Variants in CD247 observed in about 807,000 individuals in gnomAD.
CD247 encodes T-cell surface glycoprotein CD3 zeta chain.
Under a neutral mutation model 30.0 loss-of-function variants are expected in CD247, and 13 were observed. The ratio of observed to expected loss-of-function variants is 0.43; its 90% CI spans 0.28 to 0.69. The LOEUF is 0.69. Among genes scored for constraint, CD247 ranks in the 30% least tolerant of loss-of-function variants. The pLI, the probability that CD247 is intolerant of heterozygous loss-of-function variation, is 0.16. For synonymous variants in CD247, 72 were observed against 80.0 expected (o/e 0.90, Z 0.53); for missense variants, 193 against 212.6 (o/e 0.91, Z 0.57).
Position 167,431,717 on chromosome 1 carries a change from G to A in CD247, c.459C>T (p.Tyr153=), listed in dbSNP as rs768749507. 45 of 1,614,036 alleles carry A rather than the reference G, an allele frequency of 2.8e-5. No individual in the cohort carries two copies. The highest frequency in any genetic ancestry group is 6.7e-5 in the African/African-American group (5 of 74,934). The change falls in exon 8 of 8, where the codon TAC becomes TAT. Residue 153 remains tyrosine, a synonymous_variant. Coordinates refer to ENST00000362089, the MANE Select transcript of CD247 (RefSeq NM_198053.3). ...QGLSTATKDT[Y]DALHMQALPP... ...GCAGGGCCTGCATGTGAAGGGCGTC[G>A]TAGGTGTCCTTGGTGGCTGTACTGA...
chr1:167,496,509 G>A (rs986517585), intron 1 of CD247, among the ~76,000 whole-genome samples: 3 of 152,216 alleles, frequency 2.0e-5, no homozygotes, highest in African/African-American at 7.2e-5. Flanking sequence ...CCTGAAGCAA[G>A]GAGGTTTTGC....
chr1:167,503,934 G>T (rs979965965), intron 1 of CD247, among the ~76,000 whole-genome samples: 6 of 152,158 alleles, frequency 3.9e-5, no homozygotes, highest in Admixed American at 1.3e-4. Flanking sequence ...GTTTTCTGGG[G>T]CAGAAAATCC....
chr1:167,431,513 C>T lies in CD247; in HGVS notation c.*168G>A. 2 of 719,686 alleles carry T rather than the reference C, an allele frequency of 2.8e-6. No individual in the cohort carries two copies. The highest frequency in any genetic ancestry group is 5.1e-6 in the Non-Finnish European group (2 of 395,410). The allele number at this position is 719,686 out of a possible 1,614,324, so 44.6% of individuals were successfully genotyped here. A position where few individuals can be genotyped will look rare whatever the true frequency, so the allele number is the denominator to read the frequency against. The stretch of plus-strand genomic sequence containing the variant: ...ACTCCCTTAAAGAGTGCAGGGACAA[C>T]AGTCTGTGTGTGAAGGTTTGGAGCT... On this transcript the variant is annotated 3_prime_UTR_variant, in exon 8 of 8. Transcript: ENST00000362089.
chr1:167,488,980 T>C (rs1187352815), intron 1 of CD247, among the ~76,000 whole-genome samples: 1 of 152,214 alleles, frequency 6.6e-6, no homozygotes, highest in Non-Finnish European at 1.5e-5. Context: ...TGAGGGCAGC[T>C]GCTTCCCTTG....
intron 1 of CD247, among the ~76,000 whole-genome samples, chr1:167,516,428 C>T (rs1418291720): frequency 1.3e-5 from 2 of 152,214 alleles, no homozygotes; most frequent in Admixed American, 6.5e-5. Flanking sequence ...AATGCAAATG[C>T]AACAGCTTAG....
intron 1 of CD247, among the ~76,000 whole-genome samples, chr1:167,478,238 G>A (rs926304844): frequency 3.3e-5 from 5 of 152,224 alleles, no homozygotes; most frequent in African/African-American, 1.2e-4. Context: ...CAGATGGAGA[G>A]GCTGACCCCA....
intron 1 of CD247, among the ~76,000 whole-genome samples, chr1:167,488,988 T>G (rs553067531): frequency 1.3e-5 from 2 of 152,276 alleles, no homozygotes; most frequent in Admixed American, 6.5e-5. Context: ...GCTGCTTCCC[T>G]TGCCGTTTGA....
At chr1:167,505,733 G>A (rs1460610502) in intron 1 of CD247, among the ~76,000 whole-genome samples, 2 of 152,384 alleles carry the variant, frequency 1.3e-5, no homozygotes, top group East Asian at 3.9e-4. Flanking sequence ...CAGCTATCTG[G>A]TAGGGGGAGT....
chr1:167,430,878 G>A lies in CD247; in HGVS notation c.*803C>T. ...GCGAGGCCTTCACAAAGATGATTTT[G>A]TCATTCGCTGAAAGCGTGAAGTGAA... is the stretch of plus-strand genomic sequence containing the variant. On this transcript the variant is annotated 3_prime_UTR_variant, in exon 8 of 8. Transcript: ENST00000362089. The A allele has an allele frequency of 2.5e-6, 1 of 398,788 alleles. No homozygotes were observed. The highest frequency in any genetic ancestry group is 4.4e-6 in the Non-Finnish European group (1 of 226,176). The allele number at this position is 398,788 out of a possible 1,614,324, so 24.7% of individuals were successfully genotyped here. A position where few individuals can be genotyped will look rare whatever the true frequency, so the allele number is the denominator to read the frequency against.
At chr1:167,496,105 G>A (rs35935023) in intron 1 of CD247, among the ~76,000 whole-genome samples, 5 of 152,274 alleles carry the variant, frequency 3.3e-5, no homozygotes, top group South Asian at 4.1e-4. Flanking sequence ...CTGCTACATA[G>A]TAAATAATAA....
chr1:167,445,374 T>G (rs1292818273), intron 1 of CD247, among the ~76,000 whole-genome samples: 1 of 152,168 alleles, frequency 6.6e-6, no homozygotes, highest in Non-Finnish European at 1.5e-5. Context: ...GGAACCTTCC[T>G]GCCCTGTAGC....
In CD247 at chr1:167,431,357, C is replaced by T; in HGVS notation, c.*324G>A. On this transcript the variant is annotated 3_prime_UTR_variant, in exon 8 of 8. Coordinates refer to ENST00000362089, the MANE Select transcript of CD247 (RefSeq NM_198053.3). ...TTCTCTGGGGACTTTACAAAACAGACTCAACAACTCAGCTGTGAGAGGCAG... is the reference window on the plus strand; with the variant it reads ...TTCTCTGGGGACTTTACAAAACAGATTCAACAACTCAGCTGTGAGAGGCAG... 1 of 596,152 alleles carries T rather than the reference C, an allele frequency of 1.7e-6. No homozygotes were observed. The highest frequency in any genetic ancestry group is 3.0e-6 in the Non-Finnish European group (1 of 335,794). 36.9% of individuals were successfully genotyped at this position (596,152 alleles called of 1,614,324 possible).
chr1:167,447,166 T>C (rs1447972126), intron 1 of CD247, among the ~76,000 whole-genome samples: 1 of 152,190 alleles, frequency 6.6e-6, no homozygotes, highest in Non-Finnish European at 1.5e-5. Flanking sequence ...TCTGGCTTAA[T>C]CCTCAGAACA....
chr1:167,448,881 T>A (rs965796767), intron 1 of CD247, among the ~76,000 whole-genome samples: 25 of 152,102 alleles, frequency 1.6e-4, no homozygotes, highest in Admixed American at 8.5e-4. Flanking sequence ...TAAACAAAAA[T>A]TTTTTTAAAA....
intron 1 of CD247, among the ~76,000 whole-genome samples, chr1:167,495,172 TG>T (rs1451937680): frequency 6.6e-6 from 1 of 152,238 alleles, no homozygotes; most frequent in African/African-American, 2.4e-5. Context: ...GAGACAGTCC[TG>T]GGTTTAAATC....
intron 1 of CD247, among the ~76,000 whole-genome samples, chr1:167,506,503 G>T (rs529533706): frequency 6.6e-6 from 1 of 151,658 alleles, no homozygotes; most frequent in African/African-American, 2.4e-5. Flanking sequence ...GGGTGTCACC[G>T]TGCCCAGCGA....
At chr1:167,437,241 A>T (rs887478816) in intron 4 of CD247, among the ~76,000 whole-genome samples, 5 of 138,650 alleles carry the variant, frequency 3.6e-5, no homozygotes, top group African/African-American at 5.6e-5. Context: ...CGTCTCTACT[A>T]AAAAAACTAC....
intron 1 of CD247, among the ~76,000 whole-genome samples, chr1:167,442,069 C>A (rs1335023993): frequency 6.6e-6 from 1 of 152,188 alleles, no homozygotes; most frequent in Non-Finnish European, 1.5e-5. Flanking sequence ...CGAGATCACG[C>A]CACTGCACTT....
At chr1:167,438,355 C>T (rs549769740) in intron 4 of CD247, among the ~76,000 whole-genome samples, 1 of 152,260 alleles carries the variant, frequency 6.6e-6, no homozygotes, top group Admixed American at 6.5e-5. Context: ...TGGGGTGCCA[C>T]GTCCGGGGGT....
Sources: allele counts gnomAD v4.1 joint callset (sites outside exome capture counted in the v4.1 genomes callset), GRCh38; gene constraint gnomAD v4.1.1; transcripts MANE v1.5; gene names NCBI Gene and HGNC (gene_info 2026-07-23, HGNC 2026-07-21).